The following ARHGAP26 variants were observed in gnomAD, a reference collection of about 807,000 sequenced individuals.
ARHGAP26 encodes the protein Rho GTPase activating protein 26, also known as rho GTPase-activating protein 26.
A neutral mutation model predicts 104.8 loss-of-function variants in ARHGAP26; 38 were observed. That is an observed-to-expected ratio of 0.36 (90% CI 0.28 to 0.48). The LOEUF (loss-of-function observed/expected upper bound fraction) is 0.48, where lower values mean the gene tolerates loss of function less well. ARHGAP26 is among the 20% of genes least tolerant of loss of function. The pLI, the probability that ARHGAP26 is intolerant of heterozygous loss-of-function variation, is 0.99. For synonymous variants in ARHGAP26, 341 were observed against 340.0 expected, an observed-to-expected ratio of 1.00 and a Z score of -0.03; for missense variants, 704 against 947.9, an observed-to-expected ratio of 0.74 and a Z score of 3.38.
chr5:143,187,667 C>T (rs1256309733), intron 20 of ARHGAP26, among the ~76,000 whole-genome samples: 1 of 152,228 alleles, frequency 6.6e-6, no homozygotes, highest in Non-Finnish European at 1.5e-5. Flanking sequence ...GGCGGAGCAC[C>T]AGCACTTTCT....
intron 10 of ARHGAP26, among the ~76,000 whole-genome samples, chr5:142,918,611 C>G (rs1177498076): frequency 6.6e-6 from 1 of 152,138 alleles, no homozygotes; most frequent in African/African-American, 2.4e-5. Context: ...CACATCTCCT[C>G]TAATTTCTTT....
At chr5:142,839,716 G>A (rs1490987320) in intron 1 of ARHGAP26, among the ~76,000 whole-genome samples, 1 of 152,160 alleles carries the variant, frequency 6.6e-6, no homozygotes, top group Non-Finnish European at 1.5e-5. Context: ...CAATTTGTTC[G>A]AAAGGGAAAG....
chr5:143,127,962 A>G (rs770606742), intron 18 of ARHGAP26, among the ~76,000 whole-genome samples: 10 of 152,038 alleles, frequency 6.6e-5, no homozygotes, highest in Non-Finnish European at 1.3e-4. Context: ...TGGCTTTTGT[A>G]ATTTGTTCAT....
At chr5:142,904,505 C>T (rs1760820792) in intron 8 of ARHGAP26, among the ~76,000 whole-genome samples, 1 of 144,346 alleles carries the variant, frequency 6.9e-6, no homozygotes, top group African/African-American at 2.7e-5. Context: ...GGTGACAGAG[C>T]AAGACCCTGT....
At position 143,157,172 on chromosome 5, in the gene ARHGAP26, CTTTTTT is replaced by C. The variant is rs56740224; in HGVS notation, c.1988+9805_1988+9810del. Among the ~76,000 whole-genome samples the C allele has an allele frequency of 4.3e-4, 61 of 141,282 alleles. No individual in the cohort carries two copies. In the South Asian group the frequency reaches 5.7e-3, roughly 13 times the overall value. The allele number at this position is 141,282 out of a possible 152,430, so 92.7% of individuals were successfully genotyped here. A position where few individuals can be genotyped will look rare whatever the true frequency, so the allele number is the denominator to read the frequency against. ...TTGGACTAAGTTCAACACATTCTTT[CTTTTTT>C]TTTTTTTTTTTTTCTCGAGACAGAG... On this transcript the variant is annotated intron_variant, in intron 20 of 22. Coordinates refer to ENST00000645722, the MANE Select transcript of ARHGAP26 (RefSeq NM_001135608.3).
chr5:143,075,654 T>A (rs1788890815), intron 17 of ARHGAP26, among the ~76,000 whole-genome samples: 1 of 152,182 alleles, frequency 6.6e-6, no homozygotes, highest in South Asian at 2.1e-4. Context: ...CTAAGGACAA[T>A]ATTGATTAAA....
chr5:142,941,104 T>G (rs1196123029), intron 11 of ARHGAP26, among the ~76,000 whole-genome samples: 1 of 104,712 alleles, frequency 9.6e-6, no homozygotes, highest in Non-Finnish European at 1.9e-5. Context: ...AAAAAAAGAA[T>G]CTATATTCCA....
At chr5:143,093,257 G>A (rs1791729162) in intron 17 of ARHGAP26, among the ~76,000 whole-genome samples, 1 of 151,894 alleles carries the variant, frequency 6.6e-6, no homozygotes, top group South Asian at 2.1e-4. Flanking sequence ...TAGCAAAGCA[G>A]TTGCCGCTAC....
intron 4 of ARHGAP26, among the ~76,000 whole-genome samples, chr5:142,883,898 A>G (rs1016402006): frequency 1.3e-5 from 2 of 152,182 alleles, no homozygotes; most frequent in African/African-American, 4.8e-5. Flanking sequence ...GGTTGGGACC[A>G]TTTTTGTCTT....
intron 17 of ARHGAP26, among the ~76,000 whole-genome samples, chr5:143,073,223 A>G (rs1246370887): frequency 6.6e-6 from 1 of 152,168 alleles, no homozygotes; most frequent in Non-Finnish European, 1.5e-5. Flanking sequence ...ATAGTGCCTC[A>G]TTTTTTAAAA....
At chr5:142,788,844 C>T (rs1759196071) in intron 1 of ARHGAP26, among the ~76,000 whole-genome samples, 1 of 152,204 alleles carries the variant, frequency 6.6e-6, no homozygotes, top group South Asian at 2.1e-4. Context: ...ATATCTCCAC[C>T]ATTTAAGTGT....
intron 8 of ARHGAP26, among the ~76,000 whole-genome samples, chr5:142,905,649 C>A (rs1761007809): frequency 6.6e-6 from 1 of 152,108 alleles, no homozygotes; most frequent in Non-Finnish European, 1.5e-5. Context: ...TACCATGCTT[C>A]TTCAGTAGTG....
chr5:143,076,764 A>G (rs1789094886), intron 17 of ARHGAP26, among the ~76,000 whole-genome samples: 1 of 152,156 alleles, frequency 6.6e-6, no homozygotes, highest in Non-Finnish European at 1.5e-5. Flanking sequence ...GTATACTCTA[A>G]TTTTTCAGCT....
rs1417927509 is a variant in ARHGAP26, at chr5:143,144,022, CAACCAGTTT to C, written c.1838-3207_1838-3199del. Among the ~76,000 whole-genome samples, 3 of 152,234 alleles carry C rather than the reference CAACCAGTTT, an allele frequency of 2.0e-5. No individual in the cohort carries two copies. The South Asian group carries it at 6.2e-4, about 32-fold the overall frequency. On this transcript the variant is annotated intron_variant, in intron 19 of 22. Coordinates refer to ENST00000645722, the MANE Select transcript of ARHGAP26 (RefSeq NM_001135608.3). ...GGCGGGCAAGCATTCTCACTGACTT[CAACCAGTTT>C]AGGCATACTCCTGAGTTGTGGGCAT... is the stretch of plus-strand genomic sequence containing the variant.
intron 1 of ARHGAP26, among the ~76,000 whole-genome samples, chr5:142,784,922 G>GGT: frequency 7.2e-6 from 1 of 138,986 alleles, no homozygotes; most frequent in African/African-American, 3.1e-5. Flanking sequence ...ACTTCCTTAG[G>GGT]ATTTTTTTTT....
In ARHGAP26 at chr5:143,055,253, T is replaced by G. The variant is rs116818604; in HGVS notation, c.1373+727T>G. ...GAAATAGCATAAGTCTCTGTGCAGA[T>G]TTTTTGAAGATGGAATTGGCTGGAA... On this transcript the variant is annotated intron_variant, in intron 15 of 22. Transcript: ENST00000645722. Among the ~76,000 whole-genome samples, 1,174 of 152,274 alleles carry G rather than the reference T, an allele frequency of 7.7e-3. 12 individuals are homozygous for G. Among genetic ancestry groups the G allele is most frequent in the African/African-American group, 0.027 (1,106 of 41,540 alleles).
At chr5:142,788,358 C>T (rs6889669) in intron 1 of ARHGAP26, among the ~76,000 whole-genome samples, 13,992 of 152,106 alleles carry the variant, frequency 0.092, 1,211 homozygotes, top group African/African-American at 0.24. Flanking sequence ...CCGACTCCCA[C>T]CCCATTTTTT....
At chr5:143,149,680 G>A (rs992659039) in intron 20 of ARHGAP26, among the ~76,000 whole-genome samples, 1 of 152,184 alleles carries the variant, frequency 6.6e-6, no homozygotes, top group Non-Finnish European at 1.5e-5. Context: ...TCAGCCTCAG[G>A]TGTGGACCCT....
chr5:142,855,902 C>T (rs1288205640), intron 1 of ARHGAP26, among the ~76,000 whole-genome samples: 1 of 152,134 alleles, frequency 6.6e-6, no homozygotes, highest in Non-Finnish European at 1.5e-5. Context: ...TGTAGGTCCA[C>T]AATACATAGA....
Sources: gnomAD v4.1 joint callset for allele counts (sites outside exome capture counted in the v4.1 genomes callset) on GRCh38, gnomAD v4.1.1 for gene constraint, MANE v1.5 for transcripts, NCBI Gene and HGNC (gene_info 2026-07-23, HGNC 2026-07-21) for gene names.